Variants in NEGR1 observed in about 807,000 individuals in gnomAD.
The protein encoded by NEGR1 is neuronal growth regulator 1.
Under a neutral mutation model 40.9 loss-of-function variants are expected in NEGR1, and 10 were observed. The observed-to-expected ratio is 0.24, with a 90% CI of 0.15 to 0.42. NEGR1 has a LOEUF of 0.42. NEGR1 is among the 10% of genes least tolerant of loss of function. The probability of loss-of-function intolerance (pLI) is 1.00; values close to 1 mark genes in which losing one functional copy is unlikely to be tolerated. For missense variants in NEGR1, 352 were observed against 438.9 expected (o/e 0.80, Z 1.77); for synonymous variants, 185 against 166.8 (o/e 1.11, Z -0.84).
At chr1:72,083,281 C>A (rs1377342971) in intron 1 of NEGR1, among the ~76,000 whole-genome samples, 2 of 151,892 alleles carry the variant, frequency 1.3e-5, no homozygotes, top group Admixed American at 6.6e-5. Context: ...TCCTTCCCTC[C>A]CTCCCTCGCT....
chr1:72,173,043 G>C (rs1336155697), intron 1 of NEGR1, among the ~76,000 whole-genome samples: 2 of 151,432 alleles, frequency 1.3e-5, no homozygotes, highest in Non-Finnish European at 2.9e-5. Context: ...GTCTCATTTT[G>C]TCACCCAGGC....
chr1:71,729,005 T>A lies in NEGR1; in HGVS notation c.536-30866A>T, dbSNP rs1342700940. Among the ~76,000 whole-genome samples the A allele has an allele frequency of 5.4e-5, 7 of 130,518 alleles. No individual in the cohort carries two copies. In the East Asian group the frequency reaches 1.3e-3, roughly 24 times the overall value. 85.6% of individuals were successfully genotyped at this position (130,518 alleles called of 152,430 possible). On this transcript the variant is annotated intron_variant, in intron 3 of 6. Transcript: ENST00000357731. ...AACATGATAGAGAAGAAATGGAAAC[T>A]TTTTTTTTACCACGGCTTAAAACTT...
At chr1:71,859,865 A>G (rs535414037) in intron 2 of NEGR1, among the ~76,000 whole-genome samples, 1 of 152,190 alleles carries the variant, frequency 6.6e-6, no homozygotes, top group East Asian at 1.9e-4. Context: ...ATCCATCTAA[A>G]TATCAAAGTA....
chr1:71,859,613 T>C (rs1570439875), intron 2 of NEGR1, among the ~76,000 whole-genome samples: 3 of 152,122 alleles, frequency 2.0e-5, no homozygotes, highest in Middle Eastern at 6.8e-3. Flanking sequence ...AAAATGTGTT[T>C]ACAAAAGCAA....
chr1:72,119,483 A>G (rs1649717219), intron 1 of NEGR1, among the ~76,000 whole-genome samples: 1 of 152,014 alleles, frequency 6.6e-6, no homozygotes, highest in African/African-American at 2.4e-5. Flanking sequence ...GGGGGGCATA[A>G]GAATAAAAAA....
intron 2 of NEGR1, among the ~76,000 whole-genome samples, chr1:71,854,346 A>G (rs897911560): frequency 6.6e-6 from 1 of 152,146 alleles, no homozygotes; most frequent in Non-Finnish European, 1.5e-5. Context: ...CTCAGAATAT[A>G]GTACAGTGCC....
chr1:71,456,845 A>G (rs1248921036), intron 6 of NEGR1, among the ~76,000 whole-genome samples: 1 of 152,128 alleles, frequency 6.6e-6, no homozygotes, highest in Non-Finnish European at 1.5e-5. Context: ...GCTTTTCCAC[A>G]GTTTTAAAAA....
intron 1 of NEGR1, among the ~76,000 whole-genome samples, chr1:71,985,189 C>T (rs1646384279): frequency 6.6e-6 from 1 of 152,082 alleles, no homozygotes; most frequent in Admixed American, 6.5e-5. Flanking sequence ...ATCTCTTCTT[C>T]ACAGGCAAAA....
intron 2 of NEGR1, among the ~76,000 whole-genome samples, chr1:71,901,499 T>G (rs1008104377): frequency 6.6e-6 from 1 of 152,032 alleles, no homozygotes; most frequent in Non-Finnish European, 1.5e-5. Flanking sequence ...TATTATTGAA[T>G]GAACAATCAA....
intron 6 of NEGR1, among the ~76,000 whole-genome samples, chr1:71,543,008 G>A (rs181521436): frequency 6.6e-6 from 1 of 151,738 alleles, no homozygotes; most frequent in African/African-American, 2.4e-5. Context: ...GATATGACAT[G>A]AGTATGTATA....
At chr1:72,266,882 C>A (rs1042128259) in intron 1 of NEGR1, among the ~76,000 whole-genome samples, 9 of 150,698 alleles carry the variant, frequency 6.0e-5, no homozygotes, top group Admixed American at 2.0e-4. Context: ...ATGTCCCACA[C>A]AAGACAGGGC....
intron 1 of NEGR1, among the ~76,000 whole-genome samples, chr1:72,167,918 G>A (rs1651822235): frequency 6.6e-6 from 1 of 151,720 alleles, no homozygotes; most frequent in African/African-American, 2.4e-5. Context: ...AATTACAAAT[G>A]AGACTTTGTA....
chr1:72,170,828 A>C (rs1651936967), intron 1 of NEGR1, among the ~76,000 whole-genome samples: 1 of 152,190 alleles, frequency 6.6e-6, no homozygotes, highest in African/African-American at 2.4e-5. Context: ...AGTCCTTTAA[A>C]TTCCATTAAC....
intron 1 of NEGR1, among the ~76,000 whole-genome samples, chr1:72,093,697 T>C (rs1648585138): frequency 6.6e-6 from 1 of 152,218 alleles, no homozygotes; most frequent in Non-Finnish European, 1.5e-5. Flanking sequence ...GAGTCTCATT[T>C]AGGCCTTACT....
At chr1:72,049,578 C>T (rs1442136477) in intron 1 of NEGR1, among the ~76,000 whole-genome samples, 2 of 151,558 alleles carry the variant, frequency 1.3e-5, no homozygotes, top group African/African-American at 4.8e-5. Context: ...TTTGGATACA[C>T]AGCTCTATAG....
chr1:72,116,285 T>C (rs1649577572), intron 1 of NEGR1, among the ~76,000 whole-genome samples: 1 of 151,806 alleles, frequency 6.6e-6, no homozygotes, highest in African/African-American at 2.4e-5. Flanking sequence ...AGTTAAGCCA[T>C]AAACTTTAAG....
At chr1:72,045,683 T>C (rs1037667207) in intron 1 of NEGR1, among the ~76,000 whole-genome samples, 2 of 151,798 alleles carry the variant, frequency 1.3e-5, no homozygotes, top group African/African-American at 2.4e-5. Context: ...CTTTTGTAAA[T>C]TGCCCAGTCT....
chr1:71,786,510 A>C (rs1043453890), intron 2 of NEGR1, among the ~76,000 whole-genome samples: 1 of 152,160 alleles, frequency 6.6e-6, no homozygotes, highest in South Asian at 2.1e-4. Context: ...AAACATGTCT[A>C]AAAAAGGTTA....
intron 2 of NEGR1, among the ~76,000 whole-genome samples, chr1:71,862,518 A>G (rs1659980410): frequency 6.6e-6 from 1 of 152,084 alleles, no homozygotes; most frequent in Non-Finnish European, 1.5e-5. Flanking sequence ...GGCATTGCCT[A>G]TAAGTTCCTT....
Sources: gnomAD v4.1 joint callset for allele counts (sites outside exome capture counted in the v4.1 genomes callset) on GRCh38, gnomAD v4.1.1 for gene constraint, MANE v1.5 for transcripts, NCBI Gene and HGNC (gene_info 2026-07-23, HGNC 2026-07-21) for gene names.